Variants in GNA15 observed in about 807,000 individuals in gnomAD.
The protein encoded by GNA15 is guanine nucleotide-binding protein subunit alpha-15.
Under a neutral mutation model 40.1 loss-of-function variants are expected in GNA15, and 23 were observed. The ratio of observed to expected loss-of-function variants is 0.57; its 90% CI spans 0.41 to 0.81. The LOEUF (loss-of-function observed/expected upper bound fraction) is 0.81. Among genes scored for constraint, GNA15 ranks in the 40% least tolerant of loss-of-function variants. The pLI is 0.00. For missense variants in GNA15, 522 were observed against 515.8 expected (o/e 1.01, Z -0.12); for synonymous variants, 226 against 210.4 (o/e 1.07, Z -0.64).
intron 2 of GNA15, 85 bp downstream of exon 2, chr19:3,148,860 C>A: frequency 7.2e-7 from 1 of 1,388,974 alleles, no homozygotes; most frequent in South Asian, 1.4e-5. Flanking sequence ...GCCAAGTTCC[C>A]CAGACTTCAG....
At chr19:3,139,352 C>G (rs565335526) in intron 1 of GNA15, among the ~76,000 whole-genome samples, 1 of 151,966 alleles carries the variant, frequency 6.6e-6, no homozygotes, top group East Asian at 1.9e-4. Flanking sequence ...TTTGGGAGGC[C>G]TAGGTGGGAG....
chr19:3,145,374 T>G (rs1156425665), intron 1 of GNA15, among the ~76,000 whole-genome samples: 2 of 125,926 alleles, frequency 1.6e-5, no homozygotes, highest in Non-Finnish European at 3.4e-5. Flanking sequence ...TTTTTTTTTG[T>G]AGAGATGGGG....
chr19:3,137,512 G>C (rs1199410702), intron 1 of GNA15, among the ~76,000 whole-genome samples: 3 of 152,110 alleles, frequency 2.0e-5, no homozygotes, highest in Non-Finnish European at 4.4e-5. Flanking sequence ...TGCCAGGCAT[G>C]GTGGCTCATG....
At chr19:3,148,120 G>A (rs900052554) in intron 1 of GNA15, among the ~76,000 whole-genome samples, 1 of 151,526 alleles carries the variant, frequency 6.6e-6, no homozygotes, top group East Asian at 2.0e-4. Flanking sequence ...ACAGAATCTC[G>A]CCCTGTCGCT....
Position 3,136,569 on chromosome 19 carries a change from G to A in GNA15, c.119G>A (p.Arg40His), listed in dbSNP as rs764892056. Residue 40 changes from arginine (R) to histidine (H), a missense_variant, in exon 1 of 7, where the codon CGC (arginine) becomes CAC (histidine). Physicochemically the swap from Arg to His is conservative, Grantham distance 29. Coordinates refer to ENST00000262958, the MANE Select transcript of GNA15 (RefSeq NM_002068.4). The surrounding 1 kb of genome is among the most constrained non-coding windows in gnomAD (Gnocchi z 4.9). ...RILLEQKKQD[R>H]GELKLLLLGP... ...CTCTTGGAGCAGAAGAAGCAGGACC[G>A]CGGGGAGCTGAAGCTGCTGCTTTTG... 3.6e-5 allele frequency: 56 copies of A among 1,565,070 alleles called. No homozygotes were observed. The highest frequency in any genetic ancestry group is 4.6e-5 in the Non-Finnish European group (53 of 1,155,214).
chr19:3,144,518 A>C (rs564155235), intron 1 of GNA15, among the ~76,000 whole-genome samples: 1 of 151,656 alleles, frequency 6.6e-6, no homozygotes, highest in East Asian at 1.9e-4. Context: ...TTGTTTATTT[A>C]TTTATTTATA....
At chr19:3,161,993 A>G (rs1353579389) in intron 6 of GNA15, among the ~76,000 whole-genome samples, 1 of 151,972 alleles carries the variant, frequency 6.6e-6, no homozygotes, top group African/African-American at 2.4e-5. Flanking sequence ...AGATCATGCC[A>G]CTTCACTCCA....
chr19:3,154,934 G>A (rs1023413358), intron 4 of GNA15: 1 of 152,124 alleles, frequency 6.6e-6, no homozygotes, highest in Admixed American at 6.6e-5. Flanking sequence ...CGAGATGAGA[G>A]GTGATGCCCA....
At chr19:3,158,111 C>A (rs553546325) in intron 6 of GNA15, among the ~76,000 whole-genome samples, 2 of 152,126 alleles carry the variant, frequency 1.3e-5, no homozygotes, top group African/African-American at 4.8e-5. Flanking sequence ...GTGAGGAATT[C>A]TAAAAACACG....
intron 4 of GNA15, among the ~76,000 whole-genome samples, chr19:3,153,537 GTGGATAGA>G (rs1250757461): frequency 6.6e-6 from 1 of 150,698 alleles, no homozygotes. Context: ...GGGTGGATGA[GTGGATAGA>G]TGGATAGATG....
intron 1 of GNA15, among the ~76,000 whole-genome samples, chr19:3,145,359 A>ATATATATATATATATATATATATATATAT: frequency 2.8e-4 from 13 of 46,956 alleles, no homozygotes; most frequent in Non-Finnish European, 3.9e-4. Flanking sequence ...ATATATATAT[A>ATATATATATATATATATATATATATATAT]TTTTTTTTTT....
intron 1 of GNA15, among the ~76,000 whole-genome samples, chr19:3,138,797 A>ATT (rs143429911): frequency 0.57 from 80,000 of 140,594 alleles, 22,433 homozygotes; most frequent in Middle Eastern, 0.61. Flanking sequence ...CGCCCAGTTA[A>ATT]TTTTTTTTTT....
In GNA15 at chr19:3,151,908, C is replaced by T. The variant is rs868461888; in HGVS notation, c.614+73C>T. 1.0e-5 allele frequency: 12 copies of T among 1,146,978 alleles called. No individual in the cohort carries two copies. The African/African-American group carries it at 1.9e-4, about 18-fold the overall frequency. 71.1% of individuals were successfully genotyped at this position (1,146,978 alleles called of 1,614,324 possible). A position where few individuals can be genotyped will look rare whatever the true frequency, so the allele number is the denominator to read the frequency against. ...GTAGGAAGGGCAAAGGAGCTGGGGCCCTGAGGGATGAGTAGGAGTTTCTTA... is the reference window on the plus strand; with the variant it reads ...GTAGGAAGGGCAAAGGAGCTGGGGCTCTGAGGGATGAGTAGGAGTTTCTTA... On this transcript the variant is annotated intron_variant, in intron 4 of 6. Transcript: ENST00000262958. This position sits in a 1 kb window ranked among gnomAD's most constrained non-coding sequence, Gnocchi z 5.0.
chr19:3,150,653 C>A (rs561334893), intron 3 of GNA15, among the ~76,000 whole-genome samples: 2 of 152,148 alleles, frequency 1.3e-5, no homozygotes, highest in East Asian at 3.9e-4. Context: ...TAGGGGGTAT[C>A]CTGTTCCTAG....
At position 3,162,789 on chromosome 19, in the gene GNA15, C is replaced by T. The variant is rs749511217; in HGVS notation, c.899-4C>T. 1 of 1,608,380 alleles carries T rather than the reference C, an allele frequency of 6.2e-7. No homozygotes were observed. The highest frequency in any genetic ancestry group is 1.3e-5 in the African/African-American group (1 of 74,806). ...CTCACCCCCTTCCCACACTGTTTCC[C>T]CAGGCCCTAAGCAGGATGCTGAGGC... On this transcript the variant is annotated splice_polypyrimidine_tract_variant and splice_region_variant and intron_variant, in intron 6 of 6. Coordinates refer to ENST00000262958, the MANE Select transcript of GNA15 (RefSeq NM_002068.4).
At chr19:3,156,049 T>C (rs1176603260) in intron 5 of GNA15, 97 bp downstream of exon 5, 4 of 1,174,024 alleles carry the variant, frequency 3.4e-6, no homozygotes, top group South Asian at 2.8e-5. Flanking sequence ...TCCCTGCTCT[T>C]GAACGGGCCT....
intron 1 of GNA15, among the ~76,000 whole-genome samples, chr19:3,140,348 T>C (rs1390615112): frequency 6.6e-6 from 1 of 152,166 alleles, no homozygotes; most frequent in Non-Finnish European, 1.5e-5. Flanking sequence ...GTATCGATCA[T>C]TTCTGCCTTT....
chr19:3,150,029 A>G (rs1914838768), intron 2 of GNA15, 102 bp from the exon 3 acceptor site: 1 of 934,706 alleles, frequency 1.1e-6, no homozygotes, highest in East Asian at 2.6e-5. Flanking sequence ...CAGTGGGAAG[A>G]GAGCGTGTTT....
At chr19:3,145,361 T>TATATA (rs57906685) in intron 1 of GNA15, among the ~76,000 whole-genome samples, 13 of 28,204 alleles carry the variant, frequency 4.6e-4, no homozygotes, top group African/African-American at 2.3e-3. Flanking sequence ...ATATATATAT[T>TATATA]TTTTTTTTTT....
Sources: gnomAD v4.1 joint callset for allele counts (sites outside exome capture counted in the v4.1 genomes callset) on GRCh38, gnomAD v4.1.1 for gene constraint, Gnocchi (gnomAD v3.1) non-coding constraint, MANE v1.5 for transcripts, NCBI Gene and HGNC (gene_info 2026-07-23, HGNC 2026-07-21) for gene names.